Variants in RIN3 observed in about 807,000 individuals in gnomAD.
RIN3 encodes RAB5 interacting protein 3.
In RIN3, 54 loss-of-function variants were observed where a neutral mutation model predicts 76.3. The ratio of observed to expected loss-of-function variants is 0.71; its 90% confidence interval spans 0.57 to 0.89. RIN3 has a LOEUF of 0.89. RIN3 is among the 40% of genes least tolerant of loss of function. The probability of loss-of-function intolerance (pLI) is 0.00; values close to 1 mark genes in which losing one functional copy is unlikely to be tolerated. For missense variants in RIN3, 1,256 were observed against 1,322.1 expected (o/e 0.95, Z 0.78); for synonymous variants, 576 against 564.0 (o/e 1.02, Z -0.30).
At chr14:92,602,084 G>GT (rs1466479021) in intron 3 of RIN3, among the ~76,000 whole-genome samples, 1 of 152,252 alleles carries the variant, frequency 6.6e-6, no homozygotes, top group African/African-American at 2.4e-5. Context: ...GACGAGCCCT[G>GT]TGAAGCATGC....
intron 3 of RIN3, among the ~76,000 whole-genome samples, chr14:92,579,123 T>C (rs1411856157): frequency 6.6e-6 from 1 of 152,032 alleles, no homozygotes; most frequent in African/African-American, 2.4e-5. Context: ...AGACGGAGTT[T>C]CTCCATGTTG....
In RIN3 at chr14:92,666,507, C is replaced by T. The variant is rs74462072; in HGVS notation, c.2335+7038C>T. 6.6e-4 allele frequency among the ~76,000 whole-genome samples: 100 copies of T among 152,214 alleles called. 1 individual carries two copies. In the East Asian group the frequency reaches 0.018, roughly 28 times the overall value. On this transcript the variant is annotated intron_variant, in intron 7 of 9. Transcript: ENST00000216487. ...TGTCACAAGTTTAGGGCCCTGGGTT[C>T]GGCAAATTGGGGAGTTCACGGAAGC... is the stretch of plus-strand genomic sequence containing the variant.
chr14:92,596,698 G>A (rs746326730), intron 3 of RIN3, among the ~76,000 whole-genome samples: 2 of 152,156 alleles, frequency 1.3e-5, no homozygotes, highest in East Asian at 1.9e-4. Flanking sequence ...GTATATTAAC[G>A]TGCTTTATGT....
intron 3 of RIN3, among the ~76,000 whole-genome samples, chr14:92,592,889 G>A (rs916096121): frequency 5.3e-5 from 8 of 151,876 alleles, no homozygotes; most frequent in Non-Finnish European, 1.0e-4. Context: ...GGCCAGGCTG[G>A]TCTCGAACTC....
rs757246601 is a variant in RIN3 at position 92,577,458 on chromosome 14, C to G, written c.348C>G (p.Thr116=). 2.7e-5 allele frequency: 43 copies of G among 1,611,664 alleles called. No individual in the cohort carries two copies. Among genetic ancestry groups the G allele is most frequent in the Middle Eastern group, 3.4e-4 (2 of 5,942 alleles). Reference sequence around the variant, plus strand: ...GCTCGGCCGAGGTGCTCGAATACACCATTAAGGAAGAAAAGTCGAGTAAGT... The same window carrying G: ...GCTCGGCCGAGGTGCTCGAATACACGATTAAGGAAGAAAAGTCGAGTAAGT... ...NESSAEVLEY[T]IKEEKSILYL... The change falls in exon 3 of 10, where the codon ACC becomes ACG. Residue 116 remains threonine, a synonymous_variant. Transcript: ENST00000216487.
intron 1 of RIN3, among the ~76,000 whole-genome samples, chr14:92,518,816 T>TGTGC (rs1555379441): frequency 6.6e-6 from 1 of 151,132 alleles, no homozygotes; most frequent in Non-Finnish European, 1.5e-5. Flanking sequence ...TGTGTGTGTG[T>TGTGC]GTGTGTGTGT....
At chr14:92,647,399 C>T (rs534241045) in intron 5 of RIN3, among the ~76,000 whole-genome samples, 24 of 152,282 alleles carry the variant, frequency 1.6e-4, no homozygotes, top group African/African-American at 4.3e-4. Flanking sequence ...TGATTACAAG[C>T]GTCCAAGGAA....
intron 2 of RIN3, among the ~76,000 whole-genome samples, chr14:92,572,971 T>A (rs937621521): frequency 4.2e-5 from 6 of 141,810 alleles, no homozygotes; most frequent in African/African-American, 1.6e-4. Flanking sequence ...AACCTCTGCC[T>A]CCCAGATTGA....
chr14:92,649,290 C>T (rs150585491), intron 5 of RIN3, among the ~76,000 whole-genome samples: 186 of 152,228 alleles, frequency 1.2e-3, no homozygotes, highest in African/African-American at 4.3e-3. Context: ...AGGTGGGCAC[C>T]GGGGGTCTCA....
rs577099134 is a variant in RIN3 at position 92,550,376 on chromosome 14, G to A, written c.45-5375G>A. On this transcript the variant is annotated intron_variant, in intron 1 of 9. Coordinates refer to ENST00000216487, the MANE Select transcript of RIN3 (RefSeq NM_024832.5). The stretch of plus-strand genomic sequence containing the variant: ...AACCCTCTTAAATAAAGACAATTAC[G>A]TTGTTTTTACTTATTTTTATTTTTG... Among the ~76,000 whole-genome samples the A allele has an allele frequency of 5.9e-5, 9 of 152,088 alleles. No homozygotes were observed. In the South Asian group the frequency reaches 6.2e-4, roughly 11 times the overall value.
intron 3 of RIN3, among the ~76,000 whole-genome samples, chr14:92,583,586 C>A (rs2402170): frequency 0.44 from 67,333 of 152,000 alleles, 16,813 homozygotes; most frequent in East Asian, 0.69. Flanking sequence ...AACAACACAA[C>A]AATAAAAAAT....
intron 1 of RIN3, among the ~76,000 whole-genome samples, chr14:92,524,769 G>A (rs538450788): frequency 6.6e-6 from 1 of 152,358 alleles, no homozygotes; most frequent in East Asian, 1.9e-4. Flanking sequence ...GAGAGGGGAA[G>A]TGGTTTCCCC....
intron 3 of RIN3, among the ~76,000 whole-genome samples, chr14:92,581,888 T>C (rs748328756): frequency 2.6e-5 from 4 of 152,086 alleles, no homozygotes; most frequent in Non-Finnish European, 4.4e-5. Context: ...AGGCAGTGGA[T>C]GGAAAATCAC....
chr14:92,660,763 G>A (rs1887851680), intron 7 of RIN3, among the ~76,000 whole-genome samples: 1 of 152,220 alleles, frequency 6.6e-6, no homozygotes, highest in East Asian at 1.9e-4. Flanking sequence ...TGTGGATGTG[G>A]GAGGGGAATC....
intron 1 of RIN3, among the ~76,000 whole-genome samples, chr14:92,555,398 G>A (rs1897547958): frequency 6.6e-6 from 1 of 152,176 alleles, no homozygotes; most frequent in Admixed American, 6.5e-5. Context: ...GGCTCCACTG[G>A]GAAATGGGCA....
chr14:92,520,369 G>A (rs74075423), intron 1 of RIN3, among the ~76,000 whole-genome samples: 10,106 of 152,312 alleles, frequency 0.066, 1,132 homozygotes, highest in African/African-American at 0.23. Context: ...TTCCAGTAGA[G>A]GGGGGTGGGA....
At position 92,605,192 on chromosome 14, in the gene RIN3, C is replaced by T. The variant is rs1048811211; in HGVS notation, c.368-10215C>T. On this transcript the variant is annotated intron_variant, in intron 3 of 9. Coordinates refer to ENST00000216487, the MANE Select transcript of RIN3 (RefSeq NM_024832.5). ...TCCCAAAGTGCTAGGATTACAGGCGCGAGCCACCACTCCCCGCCCCATTTA... is the reference window on the plus strand; with the variant it reads ...TCCCAAAGTGCTAGGATTACAGGCGTGAGCCACCACTCCCCGCCCCATTTA... Among the ~76,000 whole-genome samples the T allele has an allele frequency of 2.6e-5, 4 of 151,958 alleles. No homozygotes were observed. In the East Asian group the frequency reaches 5.8e-4, roughly 22 times the overall value.
chr14:92,556,117 C>A (rs1474799781), intron 2 of RIN3, among the ~76,000 whole-genome samples, 162 bp downstream of exon 2: 1 of 152,144 alleles, frequency 6.6e-6, no homozygotes, highest in African/African-American at 2.4e-5. Context: ...CAATTTTCTC[C>A]CAGAACACAG....
At chr14:92,597,921 A>G (rs1233569284) in intron 3 of RIN3, among the ~76,000 whole-genome samples, 1 of 152,202 alleles carries the variant, frequency 6.6e-6, no homozygotes, top group Non-Finnish European at 1.5e-5. Context: ...TTCTATATGA[A>G]TTAATTTAAT....
Sources: gnomAD v4.1 joint callset for allele counts (sites outside exome capture counted in the v4.1 genomes callset) on GRCh38, gnomAD v4.1.1 for gene constraint, MANE v1.5 for transcripts, NCBI Gene and HGNC (gene_info 2026-07-23, HGNC 2026-07-21) for gene names.